The following DOK5 variants were observed in gnomAD, a reference collection of about 807,000 sequenced individuals.
DOK5 encodes downstream of tyrosine kinase 5.
DOK5 carries 27 observed loss-of-function variants against 43.3 expected under a neutral mutation model. The observed-to-expected ratio is 0.62, with a 90% confidence interval of 0.46 to 0.86. The LOEUF is 0.86. Ranked by LOEUF, DOK5 falls within the 40% of genes least tolerant of loss-of-function variation. The pLI is 0.00. For missense variants in DOK5, 373 were observed against 392.9 expected, an observed-to-expected ratio of 0.95 and a Z score of 0.43; for synonymous variants, 146 against 140.1, an observed-to-expected ratio of 1.04 and a Z score of -0.30.
intron 1 of DOK5, among the ~76,000 whole-genome samples, chr20:54,530,478 T>G (rs1983732144): frequency 6.6e-6 from 1 of 152,114 alleles, no homozygotes; most frequent in Non-Finnish European, 1.5e-5. Context: ...ATTTACTATC[T>G]CTTCTCTCTG....
intron 5 of DOK5, among the ~76,000 whole-genome samples, chr20:54,604,235 C>A (rs535521671): frequency 3.3e-5 from 5 of 152,078 alleles, no homozygotes; most frequent in African/African-American, 9.6e-5. Context: ...CATGAGCCAC[C>A]GCGCCCCGGC....
intron 6 of DOK5, among the ~76,000 whole-genome samples, chr20:54,625,922 T>C (rs1003234287): frequency 1.3e-5 from 2 of 152,218 alleles, no homozygotes; most frequent in Admixed American, 1.3e-4. Flanking sequence ...CCAGGAATCA[T>C]GGTGGGCACG....
chr20:54,598,032 CT>C (rs1330197952), intron 5 of DOK5, among the ~76,000 whole-genome samples: 1 of 152,090 alleles, frequency 6.6e-6, no homozygotes, highest in Non-Finnish European at 1.5e-5. Context: ...TTTGACTTGA[CT>C]TTTTGGAACC....
intron 1 of DOK5, among the ~76,000 whole-genome samples, chr20:54,478,868 C>T (rs1326675654): frequency 3.9e-5 from 6 of 152,082 alleles, no homozygotes; most frequent in South Asian, 2.1e-4. Flanking sequence ...GATTGGTAGA[C>T]GGATATAGGA....
chr20:54,485,860 G>T (rs550318145), intron 1 of DOK5, among the ~76,000 whole-genome samples: 28 of 152,300 alleles, frequency 1.8e-4, no homozygotes, highest in Admixed American at 8.5e-4. Context: ...TTCTAGATGT[G>T]TCGTGGTATC....
rs898207482 is a variant in DOK5 at position 54,612,279 on chromosome 20, C to G, written c.735+1756C>G. On this transcript the variant is annotated intron_variant, in intron 6 of 7. Transcript: ENST00000262593. ...AAGTGCCTGCCCCCGTGAGCCAGTG[C>G]TGACGTAAGCATTTGCGAGAAACCA... is the stretch of plus-strand genomic sequence containing the variant. Among the ~76,000 whole-genome samples the G allele has an allele frequency of 4.6e-5, 7 of 152,252 alleles. No homozygotes were observed. In the East Asian group the frequency reaches 1.2e-3, roughly 25 times the overall value.
intron 1 of DOK5, among the ~76,000 whole-genome samples, chr20:54,516,132 T>C (rs575930617): frequency 6.6e-6 from 1 of 152,330 alleles, no homozygotes; most frequent in South Asian, 2.1e-4. Context: ...CATTTCCCCG[T>C]ATATAATTCC....
At chr20:54,537,497 G>T (rs938584946) in intron 1 of DOK5, among the ~76,000 whole-genome samples, 2 of 152,140 alleles carry the variant, frequency 1.3e-5, no homozygotes, top group African/African-American at 4.8e-5. Context: ...GTTCTCAAGA[G>T]AAATGAGATA....
chr20:54,615,899 C>A (rs35429527), intron 6 of DOK5, among the ~76,000 whole-genome samples: 42,883 of 144,714 alleles, frequency 0.3, 6,960 homozygotes, highest in African/African-American at 0.42. Flanking sequence ...GACTCCATCT[C>A]AAAAAAAAAA....
At chr20:54,588,904 T>C in intron 4 of DOK5, 98 bp downstream of exon 4, 1 of 1,249,314 alleles carries the variant, frequency 8.0e-7, no homozygotes, top group Non-Finnish European at 1.1e-6. Flanking sequence ...TTTTGGGGTA[T>C]AAAAATGTAT....
intron 1 of DOK5, among the ~76,000 whole-genome samples, chr20:54,503,740 AT>A (rs140530097): frequency 0.015 from 2,290 of 152,246 alleles, 47 homozygotes; most frequent in African/African-American, 0.052. Flanking sequence ...GATTTTGGGG[AT>A]TATTTCTTTT....
intron 5 of DOK5, among the ~76,000 whole-genome samples, chr20:54,605,953 C>A (rs1199946666): frequency 2.6e-5 from 4 of 152,162 alleles, no homozygotes; most frequent in South Asian, 2.1e-4. Context: ...TATAAAAATG[C>A]AGATTTAGGC....
chr20:54,625,381 G>T (rs1467209290), intron 6 of DOK5, among the ~76,000 whole-genome samples: 2 of 152,206 alleles, frequency 1.3e-5, no homozygotes, highest in East Asian at 3.8e-4. Context: ...TCATCTCCTT[G>T]CAGCCTAGAC....
chr20:54,604,441 T>C (rs1986401509), intron 5 of DOK5, among the ~76,000 whole-genome samples: 3 of 152,106 alleles, frequency 2.0e-5, no homozygotes, highest in African/African-American at 7.2e-5. Context: ...ATTTCCTTTT[T>C]TAATTGCCGC....
chr20:54,530,632 T>C (rs1275201082), intron 1 of DOK5, among the ~76,000 whole-genome samples: 1 of 152,200 alleles, frequency 6.6e-6, no homozygotes, highest in Non-Finnish European at 1.5e-5. Context: ...GCCCTCATTC[T>C]TTCTGTAACC....
intron 6 of DOK5, among the ~76,000 whole-genome samples, chr20:54,620,742 A>G (rs1568815346): frequency 6.6e-6 from 1 of 152,158 alleles, no homozygotes; most frequent in African/African-American, 2.4e-5. Flanking sequence ...AGTGAAGATG[A>G]TGCGTACACA....
At chr20:54,512,602 A>C (rs1286863150) in intron 1 of DOK5, among the ~76,000 whole-genome samples, 1 of 152,242 alleles carries the variant, frequency 6.6e-6, no homozygotes, top group Admixed American at 6.5e-5. Flanking sequence ...ATGGGTTTTG[A>C]TAAGAAAGTT....
At chr20:54,535,278 A>G (rs1393741056) in intron 1 of DOK5, among the ~76,000 whole-genome samples, 1 of 149,996 alleles carries the variant, frequency 6.7e-6, no homozygotes, top group Non-Finnish European at 1.5e-5. Flanking sequence ...TTCTGGCAAC[A>G]TCTGTTCCTT....
chr20:54,493,894 A>G (rs942465720), intron 1 of DOK5, among the ~76,000 whole-genome samples: 1 of 152,174 alleles, frequency 6.6e-6, no homozygotes. Context: ...AGCCATGATC[A>G]TGCCACTGCA....
Sources: gnomAD v4.1 joint callset for allele counts (sites outside exome capture counted in the v4.1 genomes callset) on GRCh38, gnomAD v4.1.1 for gene constraint, MANE v1.5 for transcripts, NCBI Gene and HGNC (gene_info 2026-07-23, HGNC 2026-07-21) for gene names.